The following NR2F1-AS1 variants were observed in gnomAD, a reference collection of about 807,000 sequenced individuals.
NR2F1-AS1 encodes the protein NR2F1 antisense RNA 1.
intron 4 of NR2F1-AS1, among the ~76,000 whole-genome samples, chr5:93,535,706 A>G (rs1751824883): frequency 6.6e-6 from 1 of 152,192 alleles, no homozygotes; most frequent in Admixed American, 6.5e-5. Context: ...AATGTGATAT[A>G]CCACATTAAC....
intron 4 of NR2F1-AS1, among the ~76,000 whole-genome samples, chr5:93,482,761 T>C (rs1287105823): frequency 6.6e-6 from 1 of 152,080 alleles, no homozygotes; most frequent in Admixed American, 6.6e-5. Flanking sequence ...TCTAGCTTGG[T>C]GGAGGGAGAG....
intron 4 of NR2F1-AS1, among the ~76,000 whole-genome samples, chr5:93,540,495 A>C (rs1751925861): frequency 6.6e-6 from 1 of 152,162 alleles, no homozygotes; most frequent in Non-Finnish European, 1.5e-5. Context: ...ATTCTCATGG[A>C]ATCTTATCTG....
intron 4 of NR2F1-AS1, among the ~76,000 whole-genome samples, chr5:93,494,435 C>T (rs1446886545): frequency 1.3e-5 from 2 of 152,136 alleles, no homozygotes; most frequent in African/African-American, 4.8e-5. Context: ...AGTTCAAGAC[C>T]ACCAGCCTGG....
intron 4 of NR2F1-AS1, among the ~76,000 whole-genome samples, chr5:93,479,591 A>C (rs1247235784): frequency 2.6e-5 from 4 of 152,200 alleles, no homozygotes; most frequent in African/African-American, 7.2e-5. Flanking sequence ...ACATTACGGT[A>C]TTCAAAATGT....
intron 4 of NR2F1-AS1, among the ~76,000 whole-genome samples, chr5:93,551,643 T>C (rs961160987): frequency 1.3e-5 from 2 of 152,106 alleles, no homozygotes; most frequent in African/African-American, 4.8e-5. Flanking sequence ...GCTCCTCCTT[T>C]GATTTACTCT....
At chr5:93,457,179 C>A (rs889859331) in intron 4 of NR2F1-AS1, among the ~76,000 whole-genome samples, 2 of 152,112 alleles carry the variant, frequency 1.3e-5, no homozygotes, top group African/African-American at 2.4e-5. Flanking sequence ...GGCTGGGGAA[C>A]GGTCAGGTCT....
chr5:93,581,930 CTGGGT>C, upstream of NR2F1-AS1, among the ~76,000 whole-genome samples: 1 of 111,058 alleles, frequency 9.0e-6, no homozygotes, highest in East Asian at 3.0e-4. Context: ...CTCTCTCTCT[CTGGGT>C]CTCTCTCTCT....
At chr5:93,471,391 C>T (rs900232168) in intron 4 of NR2F1-AS1, among the ~76,000 whole-genome samples, 2 of 151,730 alleles carry the variant, frequency 1.3e-5, no homozygotes, top group South Asian at 2.1e-4. Flanking sequence ...TGTATAAAGA[C>T]GTGCATTCCA....
At chr5:93,567,441 G>C (rs927330592) in intron 1 of NR2F1-AS1, among the ~76,000 whole-genome samples, 1 of 152,062 alleles carries the variant, frequency 6.6e-6, no homozygotes, top group Non-Finnish European at 1.5e-5. Flanking sequence ...AGCTTTCCTA[G>C]GACTCTTAGT....
intron 4 of NR2F1-AS1, among the ~76,000 whole-genome samples, chr5:93,413,159 C>T (rs965791208): frequency 1.3e-5 from 2 of 148,190 alleles, no homozygotes; most frequent in African/African-American, 2.5e-5. Context: ...GATTTTTCTA[C>T]AGTAAATGTC....
At chr5:93,418,855 G>C (rs189923233) in intron 4 of NR2F1-AS1, among the ~76,000 whole-genome samples, 227 of 152,176 alleles carry the variant, frequency 1.5e-3, no homozygotes, top group African/African-American at 5.1e-3. Flanking sequence ...TACTGAAAAA[G>C]AATATGGAGT....
intron 4 of NR2F1-AS1, among the ~76,000 whole-genome samples, chr5:93,446,447 C>T (rs575231069): frequency 3.3e-4 from 51 of 152,240 alleles, no homozygotes; most frequent in African/African-American, 1.1e-3. Context: ...AACTCCCATT[C>T]GCAATTGCTT....
At chr5:93,544,918 CAAAAAAAAAAA>C (rs11322318) in intron 4 of NR2F1-AS1, 12 of 61,788 alleles carry the variant, frequency 1.9e-4, no homozygotes, top group Non-Finnish European at 4.0e-4. Context: ...GATTCCATCT[CAAAAAAAAAAA>C]AAAAAAAAAA....
chr5:93,442,803 C>A (rs1007817064), intron 4 of NR2F1-AS1, among the ~76,000 whole-genome samples: 5 of 152,230 alleles, frequency 3.3e-5, no homozygotes, highest in African/African-American at 9.6e-5. Context: ...TAGGGGCCGA[C>A]TGACACCTCA....
At chr5:93,461,447 T>G (rs115193773) in intron 4 of NR2F1-AS1, among the ~76,000 whole-genome samples, 8,792 of 152,202 alleles carry the variant, frequency 0.058, 432 homozygotes, top group East Asian at 0.21. Context: ...TGTTTACCTA[T>G]GTAACAAACC....
At chr5:93,413,960 A>G (rs900514993) in intron 4 of NR2F1-AS1, among the ~76,000 whole-genome samples, 1 of 152,192 alleles carries the variant, frequency 6.6e-6, no homozygotes, top group Non-Finnish European at 1.5e-5. Flanking sequence ...TGCAAGCAAG[A>G]CAAATCCTGG....
intron 4 of NR2F1-AS1, among the ~76,000 whole-genome samples, chr5:93,447,688 A>G (rs1749744639): frequency 6.6e-6 from 1 of 152,212 alleles, no homozygotes; most frequent in Non-Finnish European, 1.5e-5. Context: ...CATTTGACCC[A>G]GCCATCCCAT....
chr5:93,559,968 C>A (rs1262664443), intron 2 of NR2F1-AS1, among the ~76,000 whole-genome samples: 2 of 150,718 alleles, frequency 1.3e-5, no homozygotes, highest in African/African-American at 5.0e-5. Context: ...ATACTCTATA[C>A]AGGGTTGCCA....
intron 4 of NR2F1-AS1, among the ~76,000 whole-genome samples, chr5:93,423,858 C>G (rs966286048): frequency 4.6e-5 from 7 of 152,096 alleles, no homozygotes; most frequent in African/African-American, 1.4e-4. Context: ...ATCTTAAAGG[C>G]CTTCACTTCT....
Sources: gnomAD v4.1 joint callset for allele counts (sites outside exome capture counted in the v4.1 genomes callset) on GRCh38, gnomAD v4.1.1 for gene constraint, MANE v1.5 for transcripts, NCBI Gene and HGNC (gene_info 2026-07-23, HGNC 2026-07-21) for gene names.